Variants in DISP3 observed in about 807,000 individuals in gnomAD.
DISP3 encodes the protein dispatched RND transporter family member 3, also known as protein dispatched homolog 3.
DISP3 carries 101 observed loss-of-function variants against 135.3 expected under a neutral mutation model. The ratio of observed to expected loss-of-function variants is 0.75; its 90% CI spans 0.64 to 0.88. DISP3 has a LOEUF of 0.88. Among genes scored for constraint, DISP3 ranks in the 40% least tolerant of loss-of-function variants. DISP3 has a pLI of 0.00. For synonymous variants in DISP3, 856 were observed against 817.0 expected (o/e 1.05, Z -0.81); for missense variants, 1,713 against 1,878.6 (o/e 0.91, Z 1.63).
intron 1 of DISP3, among the ~76,000 whole-genome samples, chr1:11,494,507 G>A (rs12129869): frequency 0.17 from 25,587 of 152,224 alleles, 3,601 homozygotes; most frequent in African/African-American, 0.39. Context: ...TCCGGAGAGC[G>A]GTGGATTCTC....
intron 1 of DISP3, 136 bp from the exon 2 acceptor site, chr1:11,500,854 T>C: frequency 2.1e-6 from 2 of 936,750 alleles, no homozygotes; most frequent in South Asian, 1.7e-5. Flanking sequence ...TGATGCATGC[T>C]TGATGCAATT....
chr1:11,501,568 T>A lies in DISP3; in HGVS notation c.576T>A (p.Ala192=). ...GCCCTTACCGGGACACTTCCGCGGC[T>A]CAAAAGCCCACAGCCAATCGGAGCG... The part of the protein sequence containing the change: ...GPGPYRDTSA[A]QKPTANRSGR... Residue 192 remains alanine (A), a synonymous_variant, in exon 2 of 21, where the codon GCT becomes GCA. Coordinates refer to ENST00000294484, the MANE Select transcript of DISP3 (RefSeq NM_020780.2). The surrounding 1 kb of genome is among the most constrained non-coding windows in gnomAD (Gnocchi z 4.9). The A allele has an allele frequency of 6.3e-7, 1 of 1,588,588 alleles. No homozygotes were observed. Among genetic ancestry groups the A allele is most frequent in the Non-Finnish European group, 8.6e-7 (1 of 1,165,582 alleles).
At chr1:11,511,778 A>G (rs756695918) in intron 3 of DISP3, among the ~76,000 whole-genome samples, 1 of 152,102 alleles carries the variant, frequency 6.6e-6, no homozygotes, top group Non-Finnish European at 1.5e-5. Flanking sequence ...TTTCCCTTCC[A>G]TACTCCCCTA....
intron 18 of DISP3, 118 bp downstream of exon 18, chr1:11,534,658 A>G (rs1642660687): frequency 1.5e-6 from 2 of 1,339,982 alleles, no homozygotes; most frequent in Admixed American, 2.6e-5. Flanking sequence ...CCCTGAGGAA[A>G]CCGGGTGGCA....
chr1:11,499,611 G>A lies in DISP3; in HGVS notation c.-3-1379G>A, dbSNP rs576819302. On this transcript the variant is annotated intron_variant, in intron 1 of 20. Transcript: ENST00000294484. This position sits in a 1 kb window ranked among gnomAD's most constrained non-coding sequence, Gnocchi z 5.2. ...CAGGCCTCTCTCCTGCAAGTCTTCC[G>A]CTGCGCACCCCTCCTCTCCCCCACA... is the stretch of plus-strand genomic sequence containing the variant. 9.9e-5 allele frequency among the ~76,000 whole-genome samples: 15 copies of A among 152,086 alleles called. No individual in the cohort carries two copies. The highest frequency in any genetic ancestry group is 3.4e-3 in the Middle Eastern group (1 of 294).
At position 11,501,452 on chromosome 1, in the gene DISP3, G is replaced by GAGCAGCTGC. The variant is rs1557599377; in HGVS notation, c.471_479dup (p.Gln157_Leu159dup). On this transcript the variant is annotated inframe_insertion, in exon 2 of 21. Transcript: ENST00000294484. This position sits in a 1 kb window ranked among gnomAD's most constrained non-coding sequence, Gnocchi z 4.9. ...CGAGACGCTTCAGCGCCTTATCTCAGAGCAGCTGCAGCAGCTGCATCTCGG... is the reference window on the plus strand; with the variant it reads ...CGAGACGCTTCAGCGCCTTATCTCAGAGCAGCTGCAGCAGCTGCAGCAGCTGCATCTCGG... 20 of 1,601,290 alleles carry GAGCAGCTGC rather than the reference G, an allele frequency of 1.2e-5. No homozygotes were observed. The highest frequency in any genetic ancestry group is 1.6e-5 in the Non-Finnish European group (19 of 1,174,400).
At chr1:11,495,073 G>A (rs1641293883) in intron 1 of DISP3, among the ~76,000 whole-genome samples, 1 of 152,164 alleles carries the variant, frequency 6.6e-6, no homozygotes, top group African/African-American at 2.4e-5. Context: ...GTGACTTGAA[G>A]ATTGGCTTTT....
chr1:11,517,537 CA>C lies in DISP3; in HGVS notation c.1825del (p.Met609CysfsTer123). 1 of 1,614,186 alleles carries C rather than the reference CA, an allele frequency of 6.2e-7. No individual in the cohort carries two copies. Among genetic ancestry groups the C allele is most frequent in the Non-Finnish European group, 8.5e-7 (1 of 1,180,030 alleles). On this transcript the variant is annotated frameshift_variant, in exon 7 of 21. Transcript: ENST00000294484. LOFTEE classifies it high-confidence loss of function. ...GTTGCTGGCTGGCCGTGCTTGTCAC[CA>C]TGCCTGCAGCTCTGGGCCTCTGGAG... ...SCCWLAVLVTMPAALGLWSLY... is the reference protein window; with the variant it reads ...SCCWLAVLVTXPAALGLWSLY...
In DISP3 at chr1:11,491,905, G is replaced by A. The variant is rs1028238304; in HGVS notation, c.-3-9085G>A. On this transcript the variant is annotated intron_variant, in intron 1 of 20. Transcript: ENST00000294484. The surrounding 1 kb of genome is among the most constrained non-coding windows in gnomAD (Gnocchi z 4.3). ...TGGGAGGCCGAGGCGGGCGGATCAC[G>A]AGGTCAGGAGATCGAGACCATCCCG... 2.6e-4 allele frequency among the ~76,000 whole-genome samples: 40 copies of A among 151,748 alleles called. No individual in the cohort carries two copies. Among genetic ancestry groups the A allele is most frequent in the African/African-American group, 8.5e-4 (35 of 41,340 alleles).
In DISP3 at chr1:11,531,472, CAG is replaced by C. The variant is rs1642574888; in HGVS notation, c.3230-90_3230-89del. The C allele has an allele frequency of 6.4e-7, 1 of 1,559,634 alleles. No individual in the cohort carries two copies. Among genetic ancestry groups the C allele is most frequent in the Admixed American group, 1.7e-5 (1 of 59,122 alleles). Reference sequence around the variant, plus strand: ...CAATGGTTACAAGCACTCTAAGCCTCAGAGGTATGTGAGTGCGTGGGCACAGG... The same window carrying C: ...CAATGGTTACAAGCACTCTAAGCCTCAGGTATGTGAGTGCGTGGGCACAGG... On this transcript the variant is annotated intron_variant, in intron 16 of 20. Coordinates refer to ENST00000294484, the MANE Select transcript of DISP3 (RefSeq NM_020780.2). This position sits in a 1 kb window ranked among gnomAD's most constrained non-coding sequence, Gnocchi z 5.2.
At position 11,525,257 on chromosome 1, in the gene DISP3, TGCCTGCTCCTTGGCAGGC is replaced by T; in HGVS notation, c.2559_2576del (p.Pro854_Ala859del). Reference sequence around the variant, plus strand: ...TACAGGCTCTCCCTCAATGCCAGCCTGCCTGCTCCTTGGCAGGCTGTGTCGCCTGGGGATGGAGAGGTG... The same window carrying T: ...TACAGGCTCTCCCTCAATGCCAGCCTTGTGTCGCCTGGGGATGGAGAGGTG... On this transcript the variant is annotated inframe_deletion, in exon 12 of 21. Coordinates refer to ENST00000294484, the MANE Select transcript of DISP3 (RefSeq NM_020780.2). 6.2e-7 allele frequency: 1 copy of T among 1,614,102 alleles called. No individual in the cohort carries two copies. The highest frequency in any genetic ancestry group is 8.5e-7 in the Non-Finnish European group (1 of 1,179,970).
At chr1:11,535,673 C>G in intron 20 of DISP3, 29 bp downstream of exon 20, 2 of 1,595,912 alleles carry the variant, frequency 1.3e-6, no homozygotes. Context: ...TTACCCACTT[C>G]CCACCACATT....
At position 11,487,762 on chromosome 1, in the gene DISP3, A is replaced by C. The variant is rs116728345; in HGVS notation, c.-4+8390A>C. On this transcript the variant is annotated intron_variant, in intron 1 of 20. Coordinates refer to ENST00000294484, the MANE Select transcript of DISP3 (RefSeq NM_020780.2). ...CTGCCCCACCCTCATCCCATTCTGC[A>C]GGACCCTCTGGTCTTGGGATGTCTC... Among the ~76,000 whole-genome samples, 1,186 of 152,302 alleles carry C rather than the reference A, an allele frequency of 7.8e-3. 6 individuals are homozygous for C. The highest frequency in any genetic ancestry group is 0.013 in the Non-Finnish European group (904 of 68,028).
rs1641447487 is a variant in DISP3, at chr1:11,499,727, C to T, written c.-3-1263C>T. ...ATCCCCCACCATTCCACTCTCCCTT[C>T]GGTCTCTCTCCTCTTTTCCTCTGTC... is the stretch of plus-strand genomic sequence containing the variant. On this transcript the variant is annotated intron_variant, in intron 1 of 20. Coordinates refer to ENST00000294484, the MANE Select transcript of DISP3 (RefSeq NM_020780.2). The surrounding 1 kb of genome is among the most constrained non-coding windows in gnomAD (Gnocchi z 5.2). Among the ~76,000 whole-genome samples, 1 of 144,860 alleles carries T rather than the reference C, an allele frequency of 6.9e-6. No homozygotes were observed. Among genetic ancestry groups the T allele is most frequent in the African/African-American group, 2.8e-5 (1 of 35,606 alleles).
intron 12 of DISP3, 41 bp downstream of exon 12, chr1:11,525,353 G>A: frequency 6.3e-7 from 1 of 1,589,316 alleles, no homozygotes; most frequent in Middle Eastern, 1.7e-4. Context: ...CACCACTGTG[G>A]GTGGTGGGGG....
intron 17 of DISP3, among the ~76,000 whole-genome samples, 185 bp from the exon 18 acceptor site, chr1:11,534,196 G>A (rs1369154071): frequency 1.3e-5 from 2 of 152,234 alleles, no homozygotes; most frequent in Non-Finnish European, 2.9e-5. Flanking sequence ...GATCAGTGCT[G>A]CTGTCACAAC....
Position 11,516,646 on chromosome 1 carries a change from C to G in DISP3, c.1749+485C>G, listed in dbSNP as rs1642019926. Among the ~76,000 whole-genome samples, 1 of 152,188 alleles carries G rather than the reference C, an allele frequency of 6.6e-6. No homozygotes were observed. The highest frequency in any genetic ancestry group is 1.5e-5 in the Non-Finnish European group (1 of 68,034). On this transcript the variant is annotated intron_variant, in intron 6 of 20. Coordinates refer to ENST00000294484, the MANE Select transcript of DISP3 (RefSeq NM_020780.2). The surrounding 1 kb of genome is among the most constrained non-coding windows in gnomAD (Gnocchi z 5.1). ...CCCTTGTGCTGACTTCCTCTTGCTG[C>G]CTCTGAGTGGGGCTTAGGAGAAGGC...
chr1:11,530,795 A>G, intron 15 of DISP3, 112 bp from the exon 16 acceptor site: 1 of 1,410,036 alleles, frequency 7.1e-7, no homozygotes, highest in Non-Finnish European at 9.8e-7. Context: ...CATGAGGGTG[A>G]CAGGTAGCAG....
At position 11,536,227 on chromosome 1, in the gene DISP3, A is replaced by AGGAACCT. The variant is rs1642702296; in HGVS notation, c.3817-94_3817-88dup. The AGGAACCT allele has an allele frequency of 6.8e-7, 1 of 1,473,480 alleles. No homozygotes were observed. Among genetic ancestry groups the AGGAACCT allele is most frequent in the South Asian group, 1.4e-5 (1 of 72,726 alleles). 91.3% of individuals were successfully genotyped at this position (1,473,480 alleles called of 1,614,324 possible). On this transcript the variant is annotated intron_variant, in intron 20 of 20. Coordinates refer to ENST00000294484, the MANE Select transcript of DISP3 (RefSeq NM_020780.2). This position sits in a 1 kb window ranked among gnomAD's most constrained non-coding sequence, Gnocchi z 4.3. Reference sequence around the variant, plus strand: ...GCAGCTCTCATCCCAGTAACAGAGCAGGAACCTGGCGTGGGGTGGGGGTGC... The same window carrying AGGAACCT: ...GCAGCTCTCATCCCAGTAACAGAGCAGGAACCTGGAACCTGGCGTGGGGTGGGGGTGC...
Sources: allele counts gnomAD v4.1 joint callset (sites outside exome capture counted in the v4.1 genomes callset), GRCh38; gene constraint gnomAD v4.1.1; non-coding constraint Gnocchi (gnomAD v3.1); transcripts MANE v1.5; gene names NCBI Gene and HGNC (gene_info 2026-07-23, HGNC 2026-07-21).